Variants in ZNF69 observed in about 807,000 individuals in gnomAD.
ZNF69 encodes zinc finger protein 69.
A neutral mutation model predicts 50.9 loss-of-function variants in ZNF69; 47 were observed. The observed-to-expected ratio is 0.92, with a 90% CI of 0.73 to 1.18. The LOEUF is 1.18. ZNF69 is among the 50% of genes most tolerant of loss of function. The pLI is 0.00. For missense variants in ZNF69, 717 were observed against 675.1 expected (o/e 1.06, Z -0.69); for synonymous variants, 216 against 223.1 (o/e 0.97, Z 0.29).
the ZNF69 span, among the ~76,000 whole-genome samples, chr19:11,966,806 C>T: frequency 6.6e-6 from 1 of 152,028 alleles, no homozygotes; most frequent in African/African-American, 2.4e-5. Flanking sequence ...CCGAAATAAT[C>T]GAAAGGTTCA....
intron 1 of ZNF69, among the ~76,000 whole-genome samples, chr19:11,903,192 TG>T (rs1407154689): frequency 6.6e-6 from 1 of 151,860 alleles, no homozygotes; most frequent in Non-Finnish European, 1.5e-5. Flanking sequence ...CCCAGCACTT[TG>T]GGAGGCTGAG....
chr19:11,979,740 G>T, the ZNF69 span: 8 of 1,592,990 alleles, frequency 5.0e-6, no homozygotes, highest in South Asian at 8.8e-5. Flanking sequence ...AAAGCCTTCA[G>T]ATCTGCCCCA....
downstream of ZNF69, among the ~76,000 whole-genome samples, chr19:11,916,451 T>G (rs1225946648): frequency 2.0e-5 from 3 of 151,970 alleles, no homozygotes; most frequent in Admixed American, 6.6e-5. Flanking sequence ...ACCATCTCTA[T>G]GAAAAATATA....
the ZNF69 span, chr19:11,978,011 A>G: frequency 1.4e-4 from 197 of 1,386,508 alleles, no homozygotes; most frequent in Non-Finnish European, 1.8e-4. Flanking sequence ...CAGCCAGGGC[A>G]GAAAGCCTAC....
chr19:11,906,407 A>C lies in ZNF69; in HGVS notation c.*309A>C. 1 of 451,688 alleles carries C rather than the reference A, an allele frequency of 2.2e-6. No homozygotes were observed. The highest frequency in any genetic ancestry group is 3.3e-6 in the Non-Finnish European group (1 of 305,094). 28.0% of individuals were successfully genotyped at this position (451,688 alleles called of 1,614,324 possible). A position where few individuals can be genotyped will look rare whatever the true frequency, so the allele number is the denominator to read the frequency against. ...TGGGTCCCTGATCTCCAAGTAGCCT[A>C]ACTGGGAGGCACTTCCCAGTAGGGG... On this transcript the variant is annotated 3_prime_UTR_variant, in exon 4 of 4. Transcript: ENST00000429654.
chr19:11,900,380 T>C (rs1222555422), intron 1 of ZNF69, among the ~76,000 whole-genome samples: 1 of 151,632 alleles, frequency 6.6e-6, no homozygotes, highest in East Asian at 1.9e-4. Flanking sequence ...TGAGACTGAG[T>C]CTGGCTCTGT....
chr19:11,893,598 A>G (rs1217025216), intron 1 of ZNF69, among the ~76,000 whole-genome samples: 1 of 152,178 alleles, frequency 6.6e-6, no homozygotes, highest in Non-Finnish European at 1.5e-5. Flanking sequence ...GAAACATTAC[A>G]GGGTGATGTG....
chr19:11,925,152 C>T, the ZNF69 span: 4 of 1,599,666 alleles, frequency 2.5e-6, no homozygotes, highest in Non-Finnish European at 3.4e-6. Flanking sequence ...ACCGGTCAGA[C>T]CAGCCCGAGA....
In ZNF69 at chr19:11,899,631, AT is replaced by A. The variant is rs996709509; in HGVS notation, c.64-3931del. Among the ~76,000 whole-genome samples, 742 of 147,736 alleles carry A rather than the reference AT, an allele frequency of 5.0e-3. 4 individuals carry two copies. Among genetic ancestry groups the A allele is most frequent in the African/African-American group, 0.017 (689 of 40,522 alleles). ...GTAGATACAGTGTGAGAACTTATCT[AT>A]TTTTTTTTTTAAAGACTCACCTTGT... On this transcript the variant is annotated intron_variant, in intron 1 of 3. Coordinates refer to ENST00000429654, the MANE Select transcript of ZNF69 (RefSeq NM_001364730.1).
chr19:11,956,593 C>T, the ZNF69 span: 12 of 398,658 alleles, frequency 3.0e-5, no homozygotes, highest in South Asian at 1.3e-4. Flanking sequence ...CAGTGGCTCA[C>T]ACCTGTAATC....
chr19:11,964,484 ATT>A, the ZNF69 span, among the ~76,000 whole-genome samples: 1 of 152,348 alleles, frequency 6.6e-6, no homozygotes, highest in African/African-American at 2.4e-5. Flanking sequence ...AGAAGGTTAA[ATT>A]AACCCCAGGT....
At chr19:11,915,419 G>C (rs1972513661), downstream of ZNF69, among the ~76,000 whole-genome samples, 1 of 152,204 alleles carries the variant, frequency 6.6e-6, no homozygotes, top group Non-Finnish European at 1.5e-5. Flanking sequence ...TGATGAACAG[G>C]ACACACTGGA....
At chr19:11,950,273 A>T in the ZNF69 span, 2 of 1,594,634 alleles carry the variant, frequency 1.3e-6, no homozygotes. Flanking sequence ...TTTTATGGAC[A>T]TGAATAGACT....
At chr19:11,918,649 G>A (rs530432723), downstream of ZNF69, among the ~76,000 whole-genome samples, 1 of 151,846 alleles carries the variant, frequency 6.6e-6, no homozygotes, top group Admixed American at 6.6e-5. Flanking sequence ...AGACAAGGGT[G>A]TCACGGTTTT....
the ZNF69 span, among the ~76,000 whole-genome samples, chr19:11,959,078 G>A: frequency 6.6e-6 from 1 of 151,950 alleles, no homozygotes; most frequent in African/African-American, 2.4e-5. Flanking sequence ...GTAGTGACAG[G>A]GTTTCACCAT....
chr19:11,891,151 C>T (rs1340606792), intron 1 of ZNF69, among the ~76,000 whole-genome samples: 1 of 152,084 alleles, frequency 6.6e-6, no homozygotes, highest in East Asian at 1.9e-4. Flanking sequence ...TCTGGGCCAG[C>T]ATGATGGCTT....
chr19:11,979,767 G>A, the ZNF69 span: 1 of 1,509,212 alleles, frequency 6.6e-7, no homozygotes, highest in Non-Finnish European at 9.0e-7. Flanking sequence ...CGAATCCATG[G>A]TAGAACTCAC....
the ZNF69 span, among the ~76,000 whole-genome samples, chr19:11,951,295 C>T: frequency 6.8e-6 from 1 of 146,326 alleles, no homozygotes; most frequent in African/African-American, 2.6e-5. Context: ...GTGGCGCAGT[C>T]TCAGCTCACT....
chr19:11,949,055 C>T, the ZNF69 span: 1 of 1,608,748 alleles, frequency 6.2e-7, no homozygotes, highest in Non-Finnish European at 8.5e-7. Flanking sequence ...GAAGGCTTAT[C>T]CTATCTTATA....
Sources: gnomAD v4.1 joint callset for allele counts (sites outside exome capture counted in the v4.1 genomes callset) on GRCh38, gnomAD v4.1.1 for gene constraint, MANE v1.5 for transcripts, NCBI Gene and HGNC (gene_info 2026-07-23, HGNC 2026-07-21) for gene names.